HUWE1: variants seen among roughly 807,000 people sequenced by gnomAD.
HUWE1 encodes the protein E3 ubiquitin-protein ligase HUWE1.
HUWE1 carries 18 observed loss-of-function variants against 299.4 expected under a neutral mutation model. The ratio of observed to expected loss-of-function variants is 0.06; its 90% CI spans 0.04 to 0.09. HUWE1 has a LOEUF of 0.09. Among genes scored for constraint, HUWE1 ranks in the 10% least tolerant of loss-of-function variants. The pLI is 1.00. For synonymous variants in HUWE1, 1,317 were observed against 1,286.1 expected (o/e 1.02, Z -0.51); for missense variants, 1,832 against 3,462.3 (o/e 0.53, Z 11.82).
chrX:53,633,118 T>C (rs2066981767), intron 8 of HUWE1, among the ~76,000 whole-genome samples: 2 of 112,418 alleles, frequency 1.8e-5, no homozygotes, highest in Non-Finnish European at 3.8e-5. Flanking sequence ...TCTGCACAGG[T>C]AGATACCAAG....
rs2061045749 is a variant in HUWE1, at chrX:53,536,049, A to G, written c.12531+98T>C. The stretch of plus-strand genomic sequence containing the variant: ...TTAAGAAGTCAAGATGCTTCCTTAG[A>G]ACTATGAGAAGGTCACGCAGTGCTA... On this transcript the variant is annotated intron_variant, in intron 80 of 83. Coordinates refer to ENST00000262854, the MANE Select transcript of HUWE1 (RefSeq NM_031407.7). 2.3e-5 allele frequency: 13 copies of G among 555,118 alleles called. No individual in the cohort carries two copies. The East Asian group carries it at 4.6e-4, about 20-fold the overall frequency. 45.7% of individuals were successfully genotyped at this position (555,118 alleles called of 1,213,427 possible).
At chrX:53,667,302 A>G (rs781863807) in intron 3 of HUWE1, among the ~76,000 whole-genome samples, 2 of 112,259 alleles carry the variant, frequency 1.8e-5, no homozygotes, top group Non-Finnish European at 3.8e-5. Context: ...ATAAGTCTAG[A>G]AAAATATATA....
In HUWE1 at chrX:53,629,602, A is replaced by C; in HGVS notation, c.877T>G (p.Leu293Val). 1 of 1,183,405 alleles carries C rather than the reference A, an allele frequency of 8.5e-7. No individual in the cohort carries two copies. The highest frequency in any genetic ancestry group is 1.1e-6 in the Non-Finnish European group (1 of 869,770). ...AISILVYSNA[L>V]QESANSILYN... Reference sequence around the variant, plus strand: ...AAGATACTGTTTGCTGATTCCTGCAAGGCATTGGAATACACTGCAAAAGGA... The same window carrying C: ...AAGATACTGTTTGCTGATTCCTGCACGGCATTGGAATACACTGCAAAAGGA... The change falls in exon 13 of 84, where the codon TTG (leucine) becomes GTG (valine). Residue 293 changes from leucine to valine, a missense_variant. Physicochemically the swap from Leu to Val is conservative, Grantham distance 32. Coordinates refer to ENST00000262854, the MANE Select transcript of HUWE1 (RefSeq NM_031407.7).
At chrX:53,628,953 T>C (rs1442436800) in intron 13 of HUWE1, 51 bp from the exon 14 acceptor site, 3 of 1,055,323 alleles carry the variant, frequency 2.8e-6, no homozygotes, top group African/African-American at 3.7e-5. Context: ...ATAAGATGAC[T>C]GAACCAAGTT....
chrX:53,582,686 G>A (rs782517947), intron 42 of HUWE1, among the ~76,000 whole-genome samples: 2 of 112,209 alleles, frequency 1.8e-5, no homozygotes, highest in East Asian at 5.5e-4. Flanking sequence ...GCAGAAGAAA[G>A]GATTTTGTAT....
At chrX:53,556,304 T>C (rs1357591935) in intron 60 of HUWE1, 5 of 346,413 alleles carry the variant, frequency 1.4e-5, no homozygotes, top group Non-Finnish European at 2.9e-5. Flanking sequence ...CCCACAACAA[T>C]ACAACTTACT....
At chrX:53,556,457 T>C (rs1217177806) in intron 60 of HUWE1, 1 of 309,115 alleles carries the variant, frequency 3.2e-6, no homozygotes, top group African/African-American at 2.8e-5. Context: ...TAAAAAATAT[T>C]GTGCAGGCTT....
chrX:53,586,558 C>T lies in HUWE1; in HGVS notation c.4756G>A (p.Val1586Met). 1.7e-6 allele frequency: 2 copies of T among 1,203,428 alleles called. No individual in the cohort carries two copies. Among genetic ancestry groups the T allele is most frequent in the Non-Finnish European group, 2.3e-6 (2 of 888,678 alleles). The part of the protein sequence containing the change: ...EVQTPKWITP[V>M]LLLIDFYEKT... ...TCATAGAAATCAATCAGGAGCAACA[C>T]TGGTGTGATCCACCTAAAAAAGAAA... The change falls in exon 39 of 84, where the codon GTG (valine) becomes ATG (methionine). Residue 1586 changes from valine to methionine, a missense_variant. Coordinates refer to ENST00000262854, the MANE Select transcript of HUWE1 (RefSeq NM_031407.7).
chrX:53,623,398 C>T (rs1262705306), intron 19 of HUWE1, among the ~76,000 whole-genome samples: 2 of 111,926 alleles, frequency 1.8e-5, no homozygotes, highest in African/African-American at 6.5e-5. Context: ...GAACTATTGT[C>T]TGAATTTTGC....
rs1556949049 is a variant in HUWE1 at position 53,569,749 on chromosome X, A to T, written c.6391T>A (p.Leu2131Met). The change falls in exon 48 of 84, where the codon TTG (leucine) becomes ATG (methionine). Residue 2131 changes from leucine to methionine, a missense_variant. By Grantham distance (15) the Leu-to-Met change is conservative. This residue lies in a region of HUWE1 where 157 missense variants were observed against 252.3 expected (regional missense o/e 0.62). Coordinates refer to ENST00000262854, the MANE Select transcript of HUWE1 (RefSeq NM_031407.7). ...QNAEDKDTPA[L>M]ARLFLASLAA... ...AGGCTTGCGAGGAACAGGCGGGCCA[A>T]GGCAGGGGTGTCCTTGTCTTCTGCA... 6 of 1,212,196 alleles carry T rather than the reference A, an allele frequency of 4.9e-6. No homozygotes were observed. The highest frequency in any genetic ancestry group is 6.7e-6 in the Non-Finnish European group (6 of 895,536).
chrX:53,628,637 G>C lies in HUWE1; in HGVS notation c.1115-17C>G. The C allele has an allele frequency of 8.4e-7, 1 of 1,187,360 alleles. No homozygotes were observed. The highest frequency in any genetic ancestry group is 1.1e-6 in the Non-Finnish European group (1 of 882,453). On this transcript the variant is annotated splice_polypyrimidine_tract_variant and intron_variant, in intron 14 of 83. Coordinates refer to ENST00000262854, the MANE Select transcript of HUWE1 (RefSeq NM_031407.7). Reference sequence around the variant, plus strand: ...TGGAAGGATCTACAAGGGAGGTGGGGAGAGGGAGAACAAAAACAAGCTCAA... The same window carrying C: ...TGGAAGGATCTACAAGGGAGGTGGGCAGAGGGAGAACAAAAACAAGCTCAA...
rs200675225 is a variant in HUWE1, at chrX:53,580,790, C to T, written c.5716+41G>A. On this transcript the variant is annotated intron_variant, in intron 43 of 83. Transcript: ENST00000262854. ...ATAAATTTCTGGATTTATACCAGGC[C>T]ACAAACTTAATATCAAAGGCCAGGA... The T allele has an allele frequency of 1.9e-4, 227 of 1,172,555 alleles. No homozygotes were observed. In the East Asian group the frequency reaches 6.3e-3, roughly 33 times the overall value.
chrX:53,670,673 C>A (rs1340545428), intron 3 of HUWE1, among the ~76,000 whole-genome samples: 1 of 111,537 alleles, frequency 9.0e-6, no homozygotes, highest in Non-Finnish European at 1.9e-5. Context: ...ACTATACTTC[C>A]TTTTAAGGCT....
chrX:53,576,708 C>T (rs1556959036), intron 44 of HUWE1, among the ~76,000 whole-genome samples, 192 bp downstream of exon 44: 1 of 112,163 alleles, frequency 8.9e-6, no homozygotes, highest in Non-Finnish European at 1.9e-5. Flanking sequence ...TAAGGACTTA[C>T]CACCATCCTG....
chrX:53,558,867 G>A (rs2062153011), intron 58 of HUWE1, 58 bp from the exon 59 acceptor site: 1 of 1,188,704 alleles, frequency 8.4e-7, no homozygotes, highest in East Asian at 3.0e-5. Flanking sequence ...AGGAAGCCAA[G>A]AGGCAGAGCT....
intron 2 of HUWE1, among the ~76,000 whole-genome samples, chrX:53,680,876 T>C (rs1436553218): frequency 9.1e-6 from 1 of 109,351 alleles, no homozygotes; most frequent in East Asian, 2.9e-4. Flanking sequence ...CCAATGAAAA[T>C]GGAAGAAAAT....
chrX:53,642,180 G>A (rs2067644275), intron 7 of HUWE1, among the ~76,000 whole-genome samples: 1 of 111,889 alleles, frequency 8.9e-6, no homozygotes, highest in African/African-American at 3.2e-5. Flanking sequence ...GGAGACTACT[G>A]TACTTGTTCA....
intron 49 of HUWE1, among the ~76,000 whole-genome samples, chrX:53,567,713 T>C (rs1310576317): frequency 5.4e-5 from 6 of 112,004 alleles, no homozygotes; most frequent in Non-Finnish European, 9.4e-5. Flanking sequence ...TATCAACTGA[T>C]GTTAAGGCTA....
intron 28 of HUWE1, 126 bp downstream of exon 28, chrX:53,602,438 A>T (rs1461420130): frequency 2.2e-6 from 1 of 444,908 alleles, no homozygotes; most frequent in East Asian, 3.9e-5. Flanking sequence ...ATGACTAAAA[A>T]TTAGTGAGAG....
Sources: gnomAD v4.1 joint callset for allele counts (sites outside exome capture counted in the v4.1 genomes callset) on GRCh38, gnomAD v4.1.1 for gene constraint, gnomAD v4.1.1 regional missense constraint, MANE v1.5 for transcripts, NCBI Gene and HGNC (gene_info 2026-07-23, HGNC 2026-07-21) for gene names.